The following RETREG1 variants were observed in gnomAD, a reference collection of about 807,000 sequenced individuals.
RETREG1 encodes the protein reticulophagy regulator 1, also known as family with sequence similarity 134 member B.
A neutral mutation model predicts 54.8 loss-of-function variants in RETREG1; 44 were observed. That is an observed-to-expected ratio of 0.80 (90% CI 0.63 to 1.03). RETREG1 has a LOEUF of 1.03. Among genes scored for constraint, RETREG1 ranks in the 50% least tolerant of loss-of-function variants. The pLI is 0.00. For synonymous variants in RETREG1, 217 were observed against 238.5 expected (o/e 0.91, Z 0.83); for missense variants, 554 against 605.1 (o/e 0.92, Z 0.89).
intron 3 of RETREG1, among the ~76,000 whole-genome samples, chr5:16,510,756 C>T (rs1200346058): frequency 6.8e-6 from 1 of 147,042 alleles, no homozygotes; most frequent in East Asian, 2.0e-4. Flanking sequence ...CACCACTGCA[C>T]TCCAGTCTAG....
At chr5:16,598,309 G>C (rs541942499) in intron 1 of RETREG1, among the ~76,000 whole-genome samples, 2 of 152,306 alleles carry the variant, frequency 1.3e-5, no homozygotes, top group African/African-American at 4.8e-5. Context: ...GCACTTAAAA[G>C]AATGTGCTGG....
In RETREG1 at chr5:16,474,623, A is replaced by T; in HGVS notation, c.*118T>A. On this transcript the variant is annotated 3_prime_UTR_variant, in exon 9 of 9. Coordinates refer to ENST00000306320, the MANE Select transcript of RETREG1 (RefSeq NM_001034850.3). ...TCACTGCAGGAGGGAAAATAAAACAAATCTAAAGTAATCATTAAAGCTTAC... is the reference window on the plus strand; with the variant it reads ...TCACTGCAGGAGGGAAAATAAAACATATCTAAAGTAATCATTAAAGCTTAC... The T allele has an allele frequency of 7.8e-7, 1 of 1,281,252 alleles. No individual in the cohort carries two copies. The highest frequency in any genetic ancestry group is 1.3e-5 in the South Asian group (1 of 74,772). The allele number at this position is 1,281,252 out of a possible 1,614,324, so 79.4% of individuals were successfully genotyped here.
rs778368106 is a variant in RETREG1 at position 16,616,723 on chromosome 5, G to A, written c.249C>T (p.Ala83=). The A allele has an allele frequency of 1.4e-5, 22 of 1,584,702 alleles. No homozygotes were observed. Among genetic ancestry groups the A allele is most frequent in the Non-Finnish European group, 1.8e-5 (21 of 1,173,136 alleles). Residue 83 remains alanine (A), a synonymous_variant, in exon 1 of 9, where the codon GCC becomes GCT. Coordinates refer to ENST00000306320, the MANE Select transcript of RETREG1 (RefSeq NM_001034850.3). ...GEPVLWLGCR[A]DELLSWKRPL... ...GCCTCTTCCAGCTCAGCAGCTCGTCGGCGCGGCAGCCCAGCCACAGCACCG... is the reference window on the plus strand; with the variant it reads ...GCCTCTTCCAGCTCAGCAGCTCGTCAGCGCGGCAGCCCAGCCACAGCACCG...
rs537877873 is a variant in RETREG1, at chr5:16,525,065, T to A, written c.458+40698A>T. On this transcript the variant is annotated intron_variant, in intron 3 of 8. Transcript: ENST00000306320. ...GTGTCCTCCGGCTCCTGCAGGTGGA[T>A]GTGCGCGGGGGACACTGTGCTGACC... Among the ~76,000 whole-genome samples the A allele has an allele frequency of 2.0e-5, 3 of 152,250 alleles. No homozygotes were observed. In the South Asian group the frequency reaches 6.2e-4, roughly 32 times the overall value.
In RETREG1 at chr5:16,585,328, C is replaced by G. The variant is rs920003584; in HGVS notation, c.321-13226G>C. Among the ~76,000 whole-genome samples, 4 of 152,060 alleles carry G rather than the reference C, an allele frequency of 2.6e-5. No homozygotes were observed. The highest frequency in any genetic ancestry group is 5.9e-5 in the Non-Finnish European group (4 of 68,014). On this transcript the variant is annotated intron_variant, in intron 1 of 8. Coordinates refer to ENST00000306320, the MANE Select transcript of RETREG1 (RefSeq NM_001034850.3). This position sits in a 1 kb window ranked among gnomAD's most constrained non-coding sequence, Gnocchi z 4.5. ...CTTGTGCCTAAAGAGTAGGAGAAAC[C>G]AAGGGCATGGCTAGGATGGAACCAA...
At chr5:16,535,335 G>A (rs141693091) in intron 3 of RETREG1, among the ~76,000 whole-genome samples, 131 of 152,356 alleles carry the variant, frequency 8.6e-4, no homozygotes, top group Non-Finnish European at 1.5e-3. Context: ...CTGTGTGCAC[G>A]CTGCCTTCAC....
At chr5:16,588,936 G>A (rs962531964) in intron 1 of RETREG1, among the ~76,000 whole-genome samples, 6 of 152,152 alleles carry the variant, frequency 3.9e-5, no homozygotes, top group Admixed American at 3.9e-4. Flanking sequence ...TCCTCTGGGG[G>A]CCACTTATCT....
intron 3 of RETREG1, among the ~76,000 whole-genome samples, chr5:16,527,030 T>C (rs1740734585): frequency 6.6e-6 from 1 of 152,242 alleles, no homozygotes; most frequent in Non-Finnish European, 1.5e-5. Flanking sequence ...CTGCAAGGTG[T>C]GGGCTGAGGC....
At chr5:16,529,769 G>T (rs1489270723) in intron 3 of RETREG1, among the ~76,000 whole-genome samples, 2 of 152,174 alleles carry the variant, frequency 1.3e-5, no homozygotes, top group Non-Finnish European at 2.9e-5. Flanking sequence ...GTCCAACCCA[G>T]AGTGGAATGG....
At chr5:16,528,718 C>T (rs987712540) in intron 3 of RETREG1, among the ~76,000 whole-genome samples, 6 of 152,146 alleles carry the variant, frequency 3.9e-5, no homozygotes, top group Non-Finnish European at 8.8e-5. Context: ...AAGCACCTGT[C>T]TGAAGAACAT....
chr5:16,474,902 C>G lies in RETREG1; in HGVS notation c.1333G>C (p.Glu445Gln). The change falls in exon 9 of 9, where the codon GAG (glutamate) becomes CAG (glutamine). Residue 445 changes from glutamate (E) to glutamine (Q), a missense_variant. By Grantham distance (29) the Glu-to-Gln change is conservative (BLOSUM62 2). This residue lies in a region of RETREG1 where 347 missense variants were observed against 412.3 expected (regional missense o/e 0.84). Transcript: ENST00000306320. ...ALSQAAPIPE[E>Q]DTDTEEGDDF... ...TCACCTTCTTCAGTGTCTGTGTCCTCTTCTGGGATGGGGGCAGCCTGAGAA... is the reference window on the plus strand; with the variant it reads ...TCACCTTCTTCAGTGTCTGTGTCCTGTTCTGGGATGGGGGCAGCCTGAGAA... 2 of 1,613,884 alleles carry G rather than the reference C, an allele frequency of 1.2e-6. No individual in the cohort carries two copies. The highest frequency in any genetic ancestry group is 1.7e-6 in the Non-Finnish European group (2 of 1,179,932).
chr5:16,541,774 AAGGAAGG>A (rs1741258317), intron 3 of RETREG1, among the ~76,000 whole-genome samples: 2 of 145,728 alleles, frequency 1.4e-5, no homozygotes, highest in Non-Finnish European at 3.0e-5. Flanking sequence ...GGAAGGAAGG[AAGGAAGG>A]AAGGAAGGAA....
At chr5:16,491,932 C>T (rs1415958336) in intron 3 of RETREG1, among the ~76,000 whole-genome samples, 1 of 152,116 alleles carries the variant, frequency 6.6e-6, no homozygotes, top group East Asian at 1.9e-4. Flanking sequence ...AACTGAAAAT[C>T]GGTATTTCAT....
At chr5:16,498,204 C>T (rs937411968) in intron 3 of RETREG1, among the ~76,000 whole-genome samples, 11 of 151,916 alleles carry the variant, frequency 7.2e-5, no homozygotes, top group African/African-American at 2.7e-4. Context: ...TTAGGCTATT[C>T]TGTCATTGTG....
At chr5:16,486,354 G>A (rs570982422) in intron 3 of RETREG1, among the ~76,000 whole-genome samples, 6 of 152,292 alleles carry the variant, frequency 3.9e-5, no homozygotes, top group East Asian at 1.9e-4. Context: ...TGCTCCCTGG[G>A]AGTTTAACAA....
intron 3 of RETREG1, among the ~76,000 whole-genome samples, chr5:16,500,788 T>G (rs566027813): frequency 6.6e-6 from 1 of 152,140 alleles, no homozygotes; most frequent in East Asian, 1.9e-4. Context: ...AAAGCAATCC[T>G]AGGAAGGGTC....
chr5:16,582,228 C>T (rs879267593), intron 1 of RETREG1, among the ~76,000 whole-genome samples: 9 of 152,246 alleles, frequency 5.9e-5, no homozygotes, highest in East Asian at 3.9e-4. Context: ...ACCATATGCA[C>T]GTTCTTTTAG....
intron 3 of RETREG1, among the ~76,000 whole-genome samples, chr5:16,511,383 T>C (rs1740169965): frequency 6.6e-6 from 1 of 152,096 alleles, no homozygotes; most frequent in South Asian, 2.1e-4. Flanking sequence ...ATGTAAGTGT[T>C]CTGAGCATGT....
chr5:16,523,324 A>G (rs1185788427), intron 3 of RETREG1, among the ~76,000 whole-genome samples: 1 of 152,094 alleles, frequency 6.6e-6, no homozygotes, highest in Non-Finnish European at 1.5e-5. Flanking sequence ...CAATCTTGGT[A>G]TCAGCTTGGT....
Sources: allele counts gnomAD v4.1 joint callset (sites outside exome capture counted in the v4.1 genomes callset), GRCh38; gene constraint gnomAD v4.1.1; regional missense constraint gnomAD v4.1.1; non-coding constraint Gnocchi (gnomAD v3.1); transcripts MANE v1.5; gene names NCBI Gene and HGNC (gene_info 2026-07-23, HGNC 2026-07-21).